Variants in LAMC1 observed in about 807,000 individuals in gnomAD.
The protein encoded by LAMC1 is laminin subunit gamma 1.
Under a neutral mutation model 173.6 loss-of-function variants are expected in LAMC1, and 38 were observed. The ratio of observed to expected loss-of-function variants is 0.22; its 90% CI spans 0.17 to 0.29. The LOEUF is 0.29. LAMC1 is among the 10% of genes least tolerant of loss of function. The pLI, the probability that LAMC1 is intolerant of heterozygous loss-of-function variation, is 1.00. For missense variants in LAMC1, 1,824 were observed against 2,051.8 expected, an observed-to-expected ratio of 0.89 and a Z score of 2.14; for synonymous variants, 746 against 749.1, an observed-to-expected ratio of 1.00 and a Z score of 0.07.
intron 18 of LAMC1, among the ~76,000 whole-genome samples, chr1:183,129,937 T>A (rs1656736052): frequency 6.6e-6 from 1 of 152,240 alleles, no homozygotes; most frequent in South Asian, 2.1e-4. Flanking sequence ...TTCTGGGTTT[T>A]GAAAAATGTT....
intron 1 of LAMC1, among the ~76,000 whole-genome samples, chr1:183,028,160 C>T (rs550264947): frequency 1.3e-5 from 2 of 152,018 alleles, no homozygotes; most frequent in East Asian, 1.9e-4. Flanking sequence ...TCCTCCCCCC[C>T]CCCACCTCTT....
In LAMC1 at chr1:183,130,398, G is replaced by A. The variant is rs761789753; in HGVS notation, c.3335G>A (p.Ser1112Asn). The A allele has an allele frequency of 1.2e-6, 2 of 1,614,220 alleles. No individual in the cohort carries two copies. The highest frequency in any genetic ancestry group is 1.7e-6 in the Non-Finnish European group (2 of 1,180,036). Residue 1112 changes from serine (S) to asparagine (N), a missense_variant, in exon 19 of 28, where the codon AGC (serine) becomes AAC (asparagine). By Grantham distance (46) the Ser-to-Asn change is conservative (BLOSUM62 1). Transcript: ENST00000258341. ...RLQRVNNTLS[S>N]QISRLQNIRN... ...CAGAGAGTGAATAACACTCTGTCCA[G>A]CCAAATTAGCCGTTTACAGAATATC...
intron 1 of LAMC1, among the ~76,000 whole-genome samples, chr1:183,057,983 CTT>C (rs751255917): frequency 5.9e-5 from 9 of 152,058 alleles, no homozygotes; most frequent in Non-Finnish European, 1.0e-4. Flanking sequence ...AGGATTTGCT[CTT>C]GTTTGACAGA....
At chr1:183,076,694 G>A (rs934564126) in intron 1 of LAMC1, among the ~76,000 whole-genome samples, 3 of 152,186 alleles carry the variant, frequency 2.0e-5, no homozygotes, top group South Asian at 2.1e-4. Flanking sequence ...GACAAAGTCC[G>A]TCTGCCACTT....
chr1:183,023,675 G>T lies in LAMC1; in HGVS notation c.-42G>T. ...CGCCGCTAGGCGAGAGGAACGCGCC[G>T]GTGCCCTTGCCTTCGCCGTGACCCA... is the stretch of plus-strand genomic sequence containing the variant. On this transcript the variant is annotated 5_prime_UTR_variant, in exon 1 of 28. Coordinates refer to ENST00000258341, the MANE Select transcript of LAMC1 (RefSeq NM_002293.4). 2 of 1,156,554 alleles carry T rather than the reference G, an allele frequency of 1.7e-6. No individual in the cohort carries two copies. Among genetic ancestry groups the T allele is most frequent in the Non-Finnish European group, 2.1e-6 (2 of 938,218 alleles). The allele number at this position is 1,156,554 out of a possible 1,614,324, so 71.6% of individuals were successfully genotyped here. A position where few individuals can be genotyped will look rare whatever the true frequency, so the allele number is the denominator to read the frequency against.
At chr1:183,098,230 T>C (rs560029193) in intron 1 of LAMC1, among the ~76,000 whole-genome samples, 128 of 152,254 alleles carry the variant, frequency 8.4e-4, no homozygotes, top group African/African-American at 2.9e-3. Context: ...TAGGGAAGTA[T>C]AGTGAGAGAG....
chr1:183,033,773 C>T (rs1483132957), intron 1 of LAMC1, among the ~76,000 whole-genome samples: 1 of 152,146 alleles, frequency 6.6e-6, no homozygotes, highest in South Asian at 2.1e-4. Flanking sequence ...CTCACTGCAA[C>T]CTCCACCTCC....
At chr1:183,082,253 A>C (rs915737370) in intron 1 of LAMC1, among the ~76,000 whole-genome samples, 1 of 152,200 alleles carries the variant, frequency 6.6e-6, no homozygotes, top group African/African-American at 2.4e-5. Flanking sequence ...AGCAAATTCA[A>C]GGGATGGATT....
At chr1:183,113,578 C>T (rs143524520) in intron 4 of LAMC1, among the ~76,000 whole-genome samples, 2 of 152,168 alleles carry the variant, frequency 1.3e-5, no homozygotes, top group East Asian at 3.9e-4. Context: ...TATGGTTGTG[C>T]CCTGCAGGGA....
At chr1:183,135,257 C>T (rs545368766) in intron 24 of LAMC1, 101 bp downstream of exon 24, 309 of 709,210 alleles carry the variant, frequency 4.4e-4, no homozygotes, top group Non-Finnish European at 6.9e-4. Flanking sequence ...ATCCCCAACT[C>T]CCTACTTTTT....
At chr1:183,094,704 T>G (rs1655649756) in intron 1 of LAMC1, among the ~76,000 whole-genome samples, 1 of 152,222 alleles carries the variant, frequency 6.6e-6, no homozygotes, top group African/African-American at 2.4e-5. Flanking sequence ...TAAGATATCT[T>G]ATGGTATTTG....
At chr1:183,075,425 T>G (rs1268165435) in intron 1 of LAMC1, among the ~76,000 whole-genome samples, 2 of 152,136 alleles carry the variant, frequency 1.3e-5, no homozygotes, top group Non-Finnish European at 2.9e-5. Context: ...GTATCTGATG[T>G]TTTTAATCTC....
intron 1 of LAMC1, among the ~76,000 whole-genome samples, chr1:183,034,446 T>C (rs1047882021): frequency 6.6e-6 from 1 of 152,206 alleles, no homozygotes; most frequent in African/African-American, 2.4e-5. Context: ...CTAATTTTTG[T>C]ATTTTTAGTA....
Position 183,136,552 on chromosome 1 carries a change from T to C in LAMC1, c.4281T>C (p.His1427=). 3 of 1,613,222 alleles carry C rather than the reference T, an allele frequency of 1.9e-6. No homozygotes were observed. Among genetic ancestry groups the C allele is most frequent in the Middle Eastern group, 1.7e-4 (1 of 6,060 alleles). ...CCACAGAGGCCAAGAACAAGGCCCATGAGGCGGAGAGGATCGCGAGCGCTG... is the reference window on the plus strand; with the variant it reads ...CCACAGAGGCCAAGAACAAGGCCCACGAGGCGGAGAGGATCGCGAGCGCTG... ...ADATEAKNKA[H]EAERIASAVQ... The change falls in exon 25 of 28, where the codon CAT becomes CAC. Residue 1427 remains histidine, a synonymous_variant. Transcript: ENST00000258341.
rs1183104248 is a variant in LAMC1, at chr1:183,110,493, A to C, written c.860A>C (p.Lys287Thr). The stretch of plus-strand genomic sequence containing the variant: ...AGTATCTCTTCTCTCCCCAGATGTA[A>C]ATGTAATGGACACGCAAGCGAGTGT... ...ISDFAVGGRC[K>T]CNGHASECMK... The change falls in exon 4 of 28, where the codon AAA (lysine) becomes ACA (threonine). Residue 287 changes from lysine (K) to threonine (T), a missense_variant. Physicochemically the swap from Lys to Thr is moderately conservative, Grantham distance 78. Transcript: ENST00000258341. 1 of 1,609,150 alleles carries C rather than the reference A, an allele frequency of 6.2e-7. No homozygotes were observed. The highest frequency in any genetic ancestry group is 1.3e-5 in the African/African-American group (1 of 74,936).
In LAMC1 at chr1:183,114,575, G is replaced by A. The variant is rs906324367; in HGVS notation, c.1066G>A (p.Glu356Lys). The A allele has an allele frequency of 4.3e-6, 7 of 1,614,086 alleles. No individual in the cohort carries two copies. The highest frequency in any genetic ancestry group is 1.3e-5 in the African/African-American group (1 of 74,918). Residue 356 changes from glutamate (E) to lysine (K), a missense_variant, in exon 5 of 28, where the codon GAA (glutamate) becomes AAA (lysine). Physicochemically the swap from Glu to Lys is moderately conservative, Grantham distance 56 (BLOSUM62 1). Transcript: ENST00000258341. ...ATCCCAGGAATGCTACTTCGACCCT[G>A]AACTCTATCGTTCCACTGGCCATGG... Reference protein sequence around the residue: ...GRSQECYFDPELYRSTGHGGH... With the variant: ...GRSQECYFDPKLYRSTGHGGH...
rs994820073 is a variant in LAMC1 at position 183,141,779 on chromosome 1, G to T, written c.4574-755G>T. On this transcript the variant is annotated intron_variant, in intron 27 of 27. Coordinates refer to ENST00000258341, the MANE Select transcript of LAMC1 (RefSeq NM_002293.4). The stretch of plus-strand genomic sequence containing the variant: ...AGACTTTTAACATTAGTCTGACTTG[G>T]GTTAGTATCTTTGCTTTGTTGCCTA... Among the ~76,000 whole-genome samples, 24 of 152,324 alleles carry T rather than the reference G, an allele frequency of 1.6e-4. No individual in the cohort carries two copies. The East Asian group carries it at 4.4e-3, about 28-fold the overall frequency.
intron 1 of LAMC1, among the ~76,000 whole-genome samples, chr1:183,065,315 G>A (rs999646999): frequency 1.3e-5 from 2 of 152,168 alleles, no homozygotes; most frequent in African/African-American, 4.8e-5. Context: ...AGAGATTTAA[G>A]TAATTGACTT....
chr1:183,062,391 G>A (rs575395108), intron 1 of LAMC1, among the ~76,000 whole-genome samples: 166 of 152,252 alleles, frequency 1.1e-3, no homozygotes, highest in African/African-American at 3.9e-3. Flanking sequence ...GAAATAGGAG[G>A]AAATTTTGTT....
Sources: gnomAD v4.1 joint callset for allele counts (sites outside exome capture counted in the v4.1 genomes callset) on GRCh38, gnomAD v4.1.1 for gene constraint, MANE v1.5 for transcripts, NCBI Gene and HGNC (gene_info 2026-07-23, HGNC 2026-07-21) for gene names.